The following FMNL1 variants were observed in gnomAD, a reference collection of about 807,000 sequenced individuals.
FMNL1 encodes the protein formin-like protein 1.
A neutral mutation model predicts 121.3 loss-of-function variants in FMNL1; 43 were observed. That is an observed-to-expected ratio of 0.35 (90% CI 0.28 to 0.46). FMNL1 has a LOEUF of 0.46. Among genes scored for constraint, FMNL1 ranks in the 20% least tolerant of loss-of-function variants. The pLI, the probability that FMNL1 is intolerant of heterozygous loss-of-function variation, is 1.00. For missense variants in FMNL1, 1,191 were observed against 1,482.4 expected (o/e 0.80, Z 3.23); for synonymous variants, 613 against 613.5 (o/e 1.00, Z 0.01).
rs972368666 is a variant in FMNL1 at position 45,231,184 on chromosome 17, C to T, written c.213+497C>T. Among the ~76,000 whole-genome samples the T allele has an allele frequency of 3.9e-5, 6 of 152,222 alleles. No homozygotes were observed. Among genetic ancestry groups the T allele is most frequent in the African/African-American group, 1.4e-4 (6 of 41,458 alleles). On this transcript the variant is annotated intron_variant, in intron 2 of 26. Coordinates refer to ENST00000331495, the MANE Select transcript of FMNL1 (RefSeq NM_005892.4). This position sits in a 1 kb window ranked among gnomAD's most constrained non-coding sequence, Gnocchi z 4.7. ...TGGACCCCTGCTTTGGTGCTCCGTC[C>T]AGGTGCCTGGACTCACGGGTCACTC...
At position 45,222,247 on chromosome 17, in the gene FMNL1, C is replaced by T. The variant is rs913486163; in HGVS notation, c.123C>T (p.Arg41=). Residue 41 remains arginine (R), a synonymous_variant, in exon 1 of 27, where the codon CGC becomes CGT. Transcript: ENST00000331495. ...GAGAGCTGGAGGAGAGGTTCAACCG[C>T]GCCCTGGTGAGTGCGACCCGGAGGC... ...AAGELEERFN[R]ALNCMNLPPD... 1.3e-5 allele frequency: 16 copies of T among 1,208,354 alleles called. No individual in the cohort carries two copies. In the African/African-American group the frequency reaches 2.6e-4, roughly 19 times the overall value. The allele number at this position is 1,208,354 out of a possible 1,614,324, so 74.9% of individuals were successfully genotyped here. A position where few individuals can be genotyped will look rare whatever the true frequency, so the allele number is the denominator to read the frequency against.
chr17:45,241,853 C>G lies in FMNL1; in HGVS notation c.1592C>G (p.Ala531Gly). Reference protein sequence around the residue: ...VPTGSPSPDLAPAAEPAPGAA... With the variant: ...VPTGSPSPDLGPAAEPAPGAA... ...CGCGCCCTCGCTGGCTCAGATCTCG[C>G]ACCTGCAGCAGAGCCGGCTCCCGGA... Residue 531 changes from alanine (A) to glycine (G), a missense_variant, in exon 15 of 27, where the codon GCA becomes GGA. Transcript: ENST00000331495. This position sits in a 1 kb window ranked among gnomAD's most constrained non-coding sequence, Gnocchi z 7.0. 7.0e-7 allele frequency: 1 copy of G among 1,434,114 alleles called. No homozygotes were observed. 88.8% of individuals were successfully genotyped at this position (1,434,114 alleles called of 1,614,324 possible).
intron 10 of FMNL1, 97 bp downstream of exon 10, chr17:45,238,735 C>CA: frequency 6.8e-7 from 1 of 1,471,956 alleles, no homozygotes; most frequent in Non-Finnish European, 9.4e-7. Flanking sequence ...GGCTCTGCCC[C>CA]CGCAAAGCGT....
chr17:45,238,913 C>T, intron 10 of FMNL1, 42 bp from the exon 11 acceptor site: 2 of 1,553,686 alleles, frequency 1.3e-6, no homozygotes. Flanking sequence ...TGAGCAACCC[C>T]ACCTAGAGGA....
intron 1 of FMNL1, among the ~76,000 whole-genome samples, chr17:45,222,872 C>A (rs1358228402): frequency 6.9e-6 from 1 of 145,334 alleles, no homozygotes. Flanking sequence ...GGGGTCAGGA[C>A]GGGTGGGTCG....
Position 45,236,117 on chromosome 17 carries a change from T to C in FMNL1, c.615-19T>C. 6.2e-7 allele frequency: 1 copy of C among 1,603,114 alleles called. No individual in the cohort carries two copies. The highest frequency in any genetic ancestry group is 8.5e-7 in the Non-Finnish European group (1 of 1,176,026). On this transcript the variant is annotated intron_variant, in intron 6 of 26. Coordinates refer to ENST00000331495, the MANE Select transcript of FMNL1 (RefSeq NM_005892.4). ...GGGGCTCACTCTGACTCCTGCTGCC[T>C]CCTCCACACCCCGCCCAGGCTGACC...
At chr17:45,232,938 G>A (rs913801323) in intron 3 of FMNL1, 3 of 574,544 alleles carry the variant, frequency 5.2e-6, no homozygotes, top group African/African-American at 3.7e-5. Context: ...GTGTGTGTGT[G>A]TGCGCACACA....
chr17:45,227,056 G>T lies in FMNL1; in HGVS notation c.130-3548G>T, dbSNP rs190557868. ...GAGACCATATAGAGGTGGGCAGGTG[G>T]CAGGGAGATGGATGGGGGAGTGGGG... On this transcript the variant is annotated intron_variant, in intron 1 of 26. Coordinates refer to ENST00000331495, the MANE Select transcript of FMNL1 (RefSeq NM_005892.4). Among the ~76,000 whole-genome samples the T allele has an allele frequency of 3.7e-4, 57 of 152,276 alleles. No individual in the cohort carries two copies. In the East Asian group the frequency reaches 0.011, roughly 29 times the overall value.
chr17:45,244,072 A>G, intron 18 of FMNL1, 47 bp downstream of exon 18: 1 of 1,599,792 alleles, frequency 6.3e-7, no homozygotes, highest in South Asian at 1.1e-5. Flanking sequence ...GGGGATGGGC[A>G]GGAGGCAACT....
In FMNL1 at chr17:45,241,467, C is replaced by G. The variant is rs768002965; in HGVS notation, c.1418C>G (p.Pro473Arg). ...EKAPPAAPTR[P>R]SALELKVEEL... ...GCGCCTCCCGCTGCCCCGACGCGGC[C>G]CTCGGCCCTGGAGCTGAAGGTGGAG... Residue 473 changes from proline to arginine, a missense_variant, in exon 14 of 27, where the codon CCC (proline) becomes CGC (arginine). Pro to Arg is a moderately radical substitution (Grantham distance 103). Around this residue, in one of 4 missense-constraint regions of FMNL1, gnomAD observed 519 missense variants for 492.8 expected, o/e 1.05. Transcript: ENST00000331495. The surrounding 1 kb of genome is among the most constrained non-coding windows in gnomAD (Gnocchi z 7.0). 2 of 1,571,772 alleles carry G rather than the reference C, an allele frequency of 1.3e-6. No individual in the cohort carries two copies. The highest frequency in any genetic ancestry group is 1.7e-6 in the Non-Finnish European group (2 of 1,159,234).
At position 45,237,022 on chromosome 17, in the gene FMNL1, T is replaced by G. The variant is rs1247609143; in HGVS notation, c.724-259T>G. Among the ~76,000 whole-genome samples, 1 of 151,714 alleles carries G rather than the reference T, an allele frequency of 6.6e-6. No homozygotes were observed. Among genetic ancestry groups the G allele is most frequent in the Non-Finnish European group, 1.5e-5 (1 of 67,930 alleles). ...AATCCCAGCTACATGGGAAGCTGAG[T>G]CAGGAGAATCACTTGAACCCGGGAG... On this transcript the variant is annotated intron_variant, in intron 7 of 26. Coordinates refer to ENST00000331495, the MANE Select transcript of FMNL1 (RefSeq NM_005892.4). This position sits in a 1 kb window ranked among gnomAD's most constrained non-coding sequence, Gnocchi z 4.4.
chr17:45,234,032 T>A (rs374780853), intron 5 of FMNL1, 40 bp from the exon 6 acceptor site: 103 of 1,609,016 alleles, frequency 6.4e-5, no homozygotes, highest in Non-Finnish European at 8.4e-5. Flanking sequence ...AAGTGGCCCC[T>A]GCAGTGTTGG....
chr17:45,222,380 C>G (rs911466146), intron 1 of FMNL1, 127 bp downstream of exon 1: 18 of 811,288 alleles, frequency 2.2e-5, no homozygotes, highest in Middle Eastern at 1.0e-3. Flanking sequence ...GGCAGCTGCC[C>G]CCTCCAGGAG....
chr17:45,232,801 G>A (rs2043466617), intron 3 of FMNL1: 1 of 562,506 alleles, frequency 1.8e-6, no homozygotes, highest in Non-Finnish European at 3.4e-6. Flanking sequence ...ACTTATGGAT[G>A]TGTGTGTGTA....
Position 45,242,021 on chromosome 17 carries a change from C to A in FMNL1, c.1760C>A (p.Pro587Gln), listed in dbSNP as rs765502971. The stretch of plus-strand genomic sequence containing the variant: ...CCGCTGCCCGGAGACCTGCCGCCCC[C>A]ACCCCCGCCACCGCCACCACCTCCG... ...APPLPGDLPP[P>Q]PPPPPPPPGT... is the part of the protein sequence containing the mutation. Residue 587 changes from proline to glutamine, a missense_variant, in exon 15 of 27, where the codon CCA becomes CAA. Pro to Gln is a moderately conservative substitution (Grantham distance 76). This residue lies in a region of FMNL1 where 519 missense variants were observed against 492.8 expected (regional missense o/e 1.05). Transcript: ENST00000331495. 12 of 1,345,652 alleles carry A rather than the reference C, an allele frequency of 8.9e-6. No individual in the cohort carries two copies. In the South Asian group the frequency reaches 1.8e-4, roughly 20 times the overall value. 83.4% of individuals were successfully genotyped at this position (1,345,652 alleles called of 1,614,324 possible). A position where few individuals can be genotyped will look rare whatever the true frequency, so the allele number is the denominator to read the frequency against.
chr17:45,222,304 G>A (rs2043243009), intron 1 of FMNL1, 51 bp downstream of exon 1: 20 of 1,144,194 alleles, frequency 1.7e-5, no homozygotes, highest in South Asian at 4.3e-5. Flanking sequence ...CGGCAGGGGC[G>A]CGGCAGGGGC....
Position 45,230,592 on chromosome 17 carries a change from C to G in FMNL1, c.130-12C>G. On this transcript the variant is annotated splice_polypyrimidine_tract_variant and intron_variant, in intron 1 of 26. Coordinates refer to ENST00000331495, the MANE Select transcript of FMNL1 (RefSeq NM_005892.4). Reference sequence around the variant, plus strand: ...CCCCAGGCTCAGGGGTCTTTGTCCTCCCTGTCCCCAGAACTGCATGAACTT... The same window carrying G: ...CCCCAGGCTCAGGGGTCTTTGTCCTGCCTGTCCCCAGAACTGCATGAACTT... 1 of 1,613,608 alleles carries G rather than the reference C, an allele frequency of 6.2e-7. No homozygotes were observed. Among genetic ancestry groups the G allele is most frequent in the South Asian group, 1.1e-5 (1 of 91,052 alleles).
intron 3 of FMNL1, 140 bp downstream of exon 3, chr17:45,232,620 T>A: frequency 1.3e-6 from 1 of 789,710 alleles, no homozygotes; most frequent in Non-Finnish European, 2.1e-6. Context: ...TGTGTGTCTG[T>A]GTATTTATAG....
Position 45,242,093 on chromosome 17 carries a change from C to A in FMNL1, c.1832C>A (p.Pro611His). ...VPPPPPPPPP[P>H]PGGPPDALGR... Reference sequence around the variant, plus strand: ...CCGCCGCCGCCGCCGCCGCCGCCGCCTCCCGGAGGTCCTCCTGATGCCCTA... The same window carrying A: ...CCGCCGCCGCCGCCGCCGCCGCCGCATCCCGGAGGTCCTCCTGATGCCCTA... Residue 611 changes from proline (P) to histidine (H), a missense_variant, in exon 15 of 27, where the codon CCT becomes CAT. Around this residue, in one of 4 missense-constraint regions of FMNL1, gnomAD observed 519 missense variants for 492.8 expected, o/e 1.05. Coordinates refer to ENST00000331495, the MANE Select transcript of FMNL1 (RefSeq NM_005892.4). The A allele has an allele frequency of 6.6e-7, 1 of 1,525,784 alleles. No individual in the cohort carries two copies. The highest frequency in any genetic ancestry group is 8.8e-7 in the Non-Finnish European group (1 of 1,139,966). The allele number at this position is 1,525,784 out of a possible 1,614,324, so 94.5% of individuals were successfully genotyped here.
Sources: gnomAD v4.1 joint callset for allele counts (sites outside exome capture counted in the v4.1 genomes callset) on GRCh38, gnomAD v4.1.1 for gene constraint, gnomAD v4.1.1 regional missense constraint, Gnocchi (gnomAD v3.1) non-coding constraint, MANE v1.5 for transcripts, NCBI Gene and HGNC (gene_info 2026-07-23, HGNC 2026-07-21) for gene names.